The following SASH1 variants were observed in gnomAD, a reference collection of about 807,000 sequenced individuals.
The protein encoded by SASH1 is SAM and SH3 domain containing 1.
In SASH1, 44 loss-of-function variants were observed where a neutral mutation model predicts 125.2. That is an observed-to-expected ratio of 0.35 (90% CI 0.28 to 0.45). The LOEUF (loss-of-function observed/expected upper bound fraction) is 0.45, where lower values mean the gene tolerates loss of function less well. Among genes scored for constraint, SASH1 ranks in the 20% least tolerant of loss-of-function variants. The pLI is 1.00. For missense variants in SASH1, 1,426 were observed against 1,614.5 expected, an observed-to-expected ratio of 0.88 and a Z score of 2.00; for synonymous variants, 639 against 649.1, an observed-to-expected ratio of 0.98 and a Z score of 0.24.
the SASH1 span, among the ~76,000 whole-genome samples, chr6:148,199,792 G>A: frequency 7.0e-6 from 1 of 141,890 alleles, no homozygotes; most frequent in African/African-American, 2.6e-5. Context: ...GAAGGAAGGA[G>A]AGAGAGAGAG....
rs370329435 is a variant in SASH1, at chr6:148,474,229, A to G, written c.627+7A>G. Reference sequence around the variant, plus strand: ...TGAGGAAGCACTTGCTAGGGTAAGCATGCAGATACCTGGTTTATATTTGTG... The same window carrying G: ...TGAGGAAGCACTTGCTAGGGTAAGCGTGCAGATACCTGGTTTATATTTGTG... On this transcript the variant is annotated splice_region_variant and intron_variant, in intron 7 of 19. Transcript: ENST00000367467. 2 of 1,531,516 alleles carry G rather than the reference A, an allele frequency of 1.3e-6. No individual in the cohort carries two copies. Among genetic ancestry groups the G allele is most frequent in the Non-Finnish European group, 1.8e-6 (2 of 1,115,170 alleles). 94.9% of individuals were successfully genotyped at this position (1,531,516 alleles called of 1,614,324 possible). A position where few individuals can be genotyped will look rare whatever the true frequency, so the allele number is the denominator to read the frequency against.
chr6:148,537,808 GTGTGTGTGTGTGTGTGTGTGTGTGGT>G (rs1330469356), intron 16 of SASH1, among the ~76,000 whole-genome samples: 1 of 147,964 alleles, frequency 6.8e-6, no homozygotes, highest in Non-Finnish European at 1.5e-5. Flanking sequence ...GTGTGTGTGT[GTGTGTGTGTGTGTGTGTGTGTGTGGT>G]TGGTGAGGCT....
chr6:148,204,993 T>C, the SASH1 span, among the ~76,000 whole-genome samples: 3 of 152,234 alleles, frequency 2.0e-5, no homozygotes, highest in Admixed American at 1.3e-4. Flanking sequence ...ATTCAGGAGA[T>C]TGGGGTATTA....
In SASH1 at chr6:148,549,297, G is replaced by A. The variant is rs774826363; in HGVS notation, c.*739G>A. 4.1e-4 allele frequency: 108 copies of A among 265,338 alleles called. 1 individual carries two copies. Among genetic ancestry groups the A allele is most frequent in the Non-Finnish European group, 7.0e-5 (10 of 142,596 alleles). 16.4% of individuals were successfully genotyped at this position (265,338 alleles called of 1,614,324 possible). ...TTTCTAATCGTCTCATTGTAACATG[G>A]CTTATTTTGTAGAGGTATTCATCAG... On this transcript the variant is annotated 3_prime_UTR_variant, in exon 20 of 20. Coordinates refer to ENST00000367467, the MANE Select transcript of SASH1 (RefSeq NM_015278.5).
At chr6:148,281,649 G>A (rs1409166333) in intron 1 of SASH1, among the ~76,000 whole-genome samples, 4 of 152,162 alleles carry the variant, frequency 2.6e-5, no homozygotes, top group Admixed American at 6.5e-5. Flanking sequence ...CAGGCCGGGC[G>A]CGGTGGCTCA....
chr6:148,241,522 G>C, the SASH1 span, among the ~76,000 whole-genome samples: 4 of 152,170 alleles, frequency 2.6e-5, no homozygotes, highest in Admixed American at 2.0e-4. Flanking sequence ...CCCTTGAATT[G>C]TGTCTAAGAA....
At chr6:148,211,909 G>T in the SASH1 span, among the ~76,000 whole-genome samples, 1 of 152,198 alleles carries the variant, frequency 6.6e-6, no homozygotes, top group East Asian at 1.9e-4. Context: ...CTCTAGAATA[G>T]GGAAGAGAAG....
chr6:148,461,646 A>T (rs1157655751), intron 4 of SASH1, among the ~76,000 whole-genome samples: 1 of 152,158 alleles, frequency 6.6e-6, no homozygotes, highest in Non-Finnish European at 1.5e-5. Context: ...AACTTGGGCT[A>T]TCTGTGTCTC....
chr6:148,364,558 A>G (rs1782373482), intron 1 of SASH1, among the ~76,000 whole-genome samples: 1 of 152,210 alleles, frequency 6.6e-6, no homozygotes, highest in African/African-American at 2.4e-5. Flanking sequence ...GAGCACGTTT[A>G]GAGTTCACAA....
intron 1 of SASH1, among the ~76,000 whole-genome samples, chr6:148,367,070 C>T (rs1782491638): frequency 6.6e-6 from 1 of 151,352 alleles, no homozygotes; most frequent in Non-Finnish European, 1.5e-5. Flanking sequence ...CTCCCAGGCG[C>T]CTGCCACCAT....
intron 2 of SASH1, among the ~76,000 whole-genome samples, chr6:148,402,649 C>CA (rs1784218383): frequency 7.0e-6 from 1 of 142,800 alleles, no homozygotes; most frequent in Non-Finnish European, 1.5e-5. Flanking sequence ...GAGTCTCGCT[C>CA]GGTCGCCCAG....
rs1782879172 is a variant in SASH1, at chr6:148,551,594, G to A, written c.*3036G>A. ...GGAAATCAGTTCCTGACATAGTAAA[G>A]TTTGCTTTCATAACTGCAGCAAAAA... is the stretch of plus-strand genomic sequence containing the variant. On this transcript the variant is annotated 3_prime_UTR_variant, in exon 20 of 20. Transcript: ENST00000367467. 1.3e-5 allele frequency: 2 copies of A among 152,340 alleles called. No homozygotes were observed. Among genetic ancestry groups the A allele is most frequent in the South Asian group, 4.1e-4 (2 of 4,828 alleles). 9.4% of individuals were successfully genotyped at this position (152,340 alleles called of 1,614,324 possible).
At chr6:148,538,314 G>C (rs1295130351) in intron 16 of SASH1, among the ~76,000 whole-genome samples, 1 of 152,142 alleles carries the variant, frequency 6.6e-6, no homozygotes, top group Non-Finnish European at 1.5e-5. Context: ...TGGCCACTGT[G>C]GTGCACTGAA....
intron 1 of SASH1, among the ~76,000 whole-genome samples, chr6:148,282,986 A>G (rs1309193053): frequency 6.6e-6 from 1 of 152,194 alleles, no homozygotes; most frequent in East Asian, 1.9e-4. Context: ...GCCTGGAGTC[A>G]GGAATACATC....
chr6:148,548,676 G>T lies in SASH1; in HGVS notation c.*118G>T. ...ACCAGATCCAGAAGAAAGGCCTGGC[G>T]TGTGGCCAAACAGCGTGAAACCTTG... On this transcript the variant is annotated 3_prime_UTR_variant, in exon 20 of 20. Coordinates refer to ENST00000367467, the MANE Select transcript of SASH1 (RefSeq NM_015278.5). 1 of 1,262,228 alleles carries T rather than the reference G, an allele frequency of 7.9e-7. No homozygotes were observed. The highest frequency in any genetic ancestry group is 1.1e-6 in the Non-Finnish European group (1 of 922,360). The allele number at this position is 1,262,228 out of a possible 1,614,324, so 78.2% of individuals were successfully genotyped here.
chr6:148,430,892 A>G (rs1776033615), intron 2 of SASH1, among the ~76,000 whole-genome samples: 1 of 152,240 alleles, frequency 6.6e-6, no homozygotes, highest in South Asian at 2.1e-4. Flanking sequence ...CACCACTTAT[A>G]GCCCTTTTAG....
chr6:148,392,007 G>A (rs1052392604), intron 2 of SASH1, among the ~76,000 whole-genome samples: 52 of 152,190 alleles, frequency 3.4e-4, no homozygotes, highest in African/African-American at 9.2e-4. Flanking sequence ...AAACTAAGCC[G>A]GGAGCGGTGG....
Position 148,343,080 on chromosome 6 carries a change from G to A in SASH1, c.13G>A (p.Gly5Arg). The A allele has an allele frequency of 6.6e-7, 1 of 1,518,804 alleles. No homozygotes were observed. The highest frequency in any genetic ancestry group is 8.8e-7 in the Non-Finnish European group (1 of 1,139,244). 94.1% of individuals were successfully genotyped at this position (1,518,804 alleles called of 1,614,324 possible). ...GCGGGACACGGCCATGGAGGACGCG[G>A]GAGCAGCTGGCCCGGGGCCGGAGCC... MEDA[G>R]AAGPGPEPEP... Residue 5 changes from glycine (G) to arginine (R), a missense_variant, in exon 1 of 20, where the codon GGA becomes AGA. Coordinates refer to ENST00000367467, the MANE Select transcript of SASH1 (RefSeq NM_015278.5).
the SASH1 span, among the ~76,000 whole-genome samples, chr6:148,236,617 C>T: frequency 1.3e-5 from 2 of 152,186 alleles, no homozygotes; most frequent in African/African-American, 4.8e-5. Context: ...GCAACCGCTT[C>T]TTGACTTCTG....
Sources: allele counts gnomAD v4.1 joint callset (sites outside exome capture counted in the v4.1 genomes callset), GRCh38; gene constraint gnomAD v4.1.1; transcripts MANE v1.5; gene names NCBI Gene and HGNC (gene_info 2026-07-23, HGNC 2026-07-21).